The following CEP162 variants were observed in gnomAD, a reference collection of about 807,000 sequenced individuals.
The protein encoded by CEP162 is centrosomal protein of 162 kDa.
In CEP162, 141 loss-of-function variants were observed where a neutral mutation model predicts 169.2. The ratio of observed to expected loss-of-function variants is 0.83; its 90% confidence interval spans 0.73 to 0.96. The LOEUF is 0.96. Among genes scored for constraint, CEP162 ranks in the 40% least tolerant of loss-of-function variants. The pLI is 0.00. For synonymous variants in CEP162, 540 were observed against 526.4 expected (o/e 1.03, Z -0.35); for missense variants, 1,600 against 1,587.2 (o/e 1.01, Z -0.14).
intron 3 of CEP162, 93 bp from the exon 4 acceptor site, chr6:84,216,015 T>A: frequency 2.2e-6 from 3 of 1,393,752 alleles, no homozygotes; most frequent in Non-Finnish European, 2.8e-6. Context: ...GCTAATTTTG[T>A]GCACAGTAGC....
At chr6:84,163,360 C>T (rs553491493) in intron 18 of CEP162, 90 bp from the exon 19 acceptor site, 12 of 932,300 alleles carry the variant, frequency 1.3e-5, no homozygotes, top group South Asian at 1.7e-5. Context: ...ATGAACACTA[C>T]GGCAAAATAT....
rs915010721 is a variant in CEP162 at position 84,124,398 on chromosome 6, A to G, written c.*672T>C. 2 of 152,372 alleles carry G rather than the reference A, an allele frequency of 1.3e-5. No individual in the cohort carries two copies. The highest frequency in any genetic ancestry group is 2.1e-4 in the South Asian group (1 of 4,840). The allele number at this position is 152,372 out of a possible 1,614,324, so 9.4% of individuals were successfully genotyped here. Reference sequence around the variant, plus strand: ...AAATGGAGTATTATGCAACTATAAAAAAGAATGAAATCATGTCATTTGCAG... The same window carrying G: ...AAATGGAGTATTATGCAACTATAAAGAAGAATGAAATCATGTCATTTGCAG... On this transcript the variant is annotated 3_prime_UTR_variant, in exon 27 of 27. Transcript: ENST00000403245.
Position 84,174,075 on chromosome 6 carries a change from T to G in CEP162, c.2139A>C (p.Gln713His). Residue 713 changes from glutamine to histidine, a missense_variant, in exon 16 of 27, where the codon CAA (glutamine) becomes CAC (histidine). Gln to His is a conservative substitution (Grantham distance 24). Coordinates refer to ENST00000403245, the MANE Select transcript of CEP162 (RefSeq NM_014895.4). ...GTTGATATCCTTGAAGAAGTGTCTC[T>G]TGTTCTTGTATTTCTTTTTGGATTT... ...LKQIQKEIQE[Q>H]ETLLQGYQQE... 2 of 1,612,972 alleles carry G rather than the reference T, an allele frequency of 1.2e-6. No homozygotes were observed. The highest frequency in any genetic ancestry group is 1.7e-6 in the Non-Finnish European group (2 of 1,179,318).
chr6:84,193,118 C>T (rs2099540590), intron 11 of CEP162, among the ~76,000 whole-genome samples: 1 of 152,152 alleles, frequency 6.6e-6, no homozygotes, highest in African/African-American at 2.4e-5. Context: ...CATGTTACTC[C>T]GTGTTGAAGA....
At chr6:84,164,344 A>G (rs557444389) in intron 18 of CEP162, among the ~76,000 whole-genome samples, 82 of 152,348 alleles carry the variant, frequency 5.4e-4, no homozygotes, top group Non-Finnish European at 9.1e-4. Context: ...CAATCCCATT[A>G]CTGGGTATAT....
chr6:84,210,779 A>G (rs1197837188), intron 6 of CEP162, among the ~76,000 whole-genome samples: 2 of 152,158 alleles, frequency 1.3e-5, no homozygotes, highest in African/African-American at 4.8e-5. Context: ...GAGACTTTTG[A>G]ACTCTAATCT....
At chr6:84,152,017 A>G (rs2099521314) in intron 23 of CEP162, among the ~76,000 whole-genome samples, 1 of 152,182 alleles carries the variant, frequency 6.6e-6, no homozygotes, top group African/African-American at 2.4e-5. Flanking sequence ...ATGTCAAAAG[A>G]CTCAGAGGAA....
rs748733159 is a variant in CEP162 at position 84,175,202 on chromosome 6, T to C, written c.1797+12A>G. 1.4e-5 allele frequency: 21 copies of C among 1,484,796 alleles called. No homozygotes were observed. The highest frequency in any genetic ancestry group is 2.7e-5 in the South Asian group (2 of 72,882). The allele number at this position is 1,484,796 out of a possible 1,614,324, so 92.0% of individuals were successfully genotyped here. A position where few individuals can be genotyped will look rare whatever the true frequency, so the allele number is the denominator to read the frequency against. ...ACATAAAACATTATGATTATTAATT[T>C]TGAATACCTACAGTCTGAAACTGAA... On this transcript the variant is annotated intron_variant, in intron 14 of 26. Transcript: ENST00000403245.
intron 25 of CEP162, among the ~76,000 whole-genome samples, chr6:84,129,014 C>T (rs1017392341): frequency 6.6e-6 from 1 of 152,186 alleles, no homozygotes; most frequent in Non-Finnish European, 1.5e-5. Flanking sequence ...CTGCAAAGGA[C>T]ATGACCTCAT....
intron 3 of CEP162, among the ~76,000 whole-genome samples, chr6:84,218,425 A>C (rs1233656809): frequency 1.3e-5 from 2 of 152,344 alleles, no homozygotes; most frequent in African/African-American, 4.8e-5. Context: ...CACTAGAAAA[A>C]ACTGGTAAAG....
At chr6:84,171,476 T>C (rs1458887548) in intron 17 of CEP162, 130 bp downstream of exon 17, 2 of 434,274 alleles carry the variant, frequency 4.6e-6, no homozygotes, top group African/African-American at 2.0e-5. Flanking sequence ...AAACATAAAA[T>C]TGGAAATGTG....
At chr6:84,201,004 C>T (rs780731220) in intron 8 of CEP162, 99 bp from the exon 9 acceptor site, 37 of 670,404 alleles carry the variant, frequency 5.5e-5, no homozygotes, top group Middle Eastern at 4.1e-4. Flanking sequence ...GCAGGCCGGG[C>T]GCGGTGGCTC....
rs2099521798 is a variant in CEP162 at position 84,153,182 on chromosome 6, G to A, written c.2995-3C>T. On this transcript the variant is annotated splice_polypyrimidine_tract_variant and splice_region_variant and intron_variant, in intron 22 of 26. Transcript: ENST00000403245. ...TCTAGTCTTTGTTCATACTGAATCT[G>A]AAGGAAAGAATCCATGTAATGCCAA... The A allele has an allele frequency of 1.3e-6, 2 of 1,587,064 alleles. No homozygotes were observed. Among genetic ancestry groups the A allele is most frequent in the South Asian group, 1.2e-5 (1 of 86,126 alleles).
At chr6:84,163,547 C>A (rs908195357) in intron 18 of CEP162, among the ~76,000 whole-genome samples, 1 of 151,838 alleles carries the variant, frequency 6.6e-6, no homozygotes, top group African/African-American at 2.4e-5. Context: ...CCCATGAATT[C>A]TCTTGCTTGG....
At chr6:84,164,600 A>G (rs1356282617) in intron 18 of CEP162, among the ~76,000 whole-genome samples, 1 of 152,226 alleles carries the variant, frequency 6.6e-6, no homozygotes, top group Non-Finnish European at 1.5e-5. Context: ...ACAGGAACAG[A>G]AAACCGAACA....
intron 6 of CEP162, among the ~76,000 whole-genome samples, chr6:84,205,769 G>A (rs941194204): frequency 6.6e-6 from 1 of 151,774 alleles, no homozygotes; most frequent in Non-Finnish European, 1.5e-5. Context: ...AGGAAAAGAG[G>A]AAGTCAAATT....
intron 24 of CEP162, among the ~76,000 whole-genome samples, chr6:84,148,305 G>A (rs1248351260): frequency 2.0e-5 from 3 of 152,064 alleles, no homozygotes; most frequent in Non-Finnish European, 4.4e-5. Context: ...AAAGTGGGTG[G>A]ATCACTTGAG....
At chr6:84,145,797 G>GA (rs1562010037) in intron 25 of CEP162, among the ~76,000 whole-genome samples, 1 of 152,028 alleles carries the variant, frequency 6.6e-6, no homozygotes, top group Non-Finnish European at 1.5e-5. Flanking sequence ...CTATTGCTGC[G>GA]TGTCTTATAA....
At chr6:84,180,062 TG>T (rs2099534106) in intron 13 of CEP162, among the ~76,000 whole-genome samples, 1 of 152,122 alleles carries the variant, frequency 6.6e-6, no homozygotes, top group African/African-American at 2.4e-5. Context: ...TTTAGACCAA[TG>T]CCCCTGATGA....
Sources: gnomAD v4.1 joint callset for allele counts (sites outside exome capture counted in the v4.1 genomes callset) on GRCh38, gnomAD v4.1.1 for gene constraint, MANE v1.5 for transcripts, NCBI Gene and HGNC (gene_info 2026-07-23, HGNC 2026-07-21) for gene names.